Variants in HSPA4 observed in about 807,000 individuals in gnomAD.
The protein encoded by HSPA4 is heat shock 70 kDa protein 4.
A neutral mutation model predicts 106.2 loss-of-function variants in HSPA4; 25 were observed. That is an observed-to-expected ratio of 0.24 (90% CI 0.17 to 0.33). The LOEUF is 0.33. Ranked by LOEUF, HSPA4 falls within the 10% of genes least tolerant of loss-of-function variation. The pLI is 1.00. For missense variants in HSPA4, 841 were observed against 996.0 expected (o/e 0.84, Z 2.10); for synonymous variants, 332 against 333.6 (o/e 1.00, Z 0.05).
intron 16 of HSPA4, among the ~76,000 whole-genome samples, chr5:133,100,173 C>T (rs1295181197): frequency 9.9e-5 from 15 of 151,762 alleles, no homozygotes; most frequent in Non-Finnish European, 1.5e-5. Flanking sequence ...AGGGGATTCT[C>T]ATGCTTCAGC....
intron 17 of HSPA4, among the ~76,000 whole-genome samples, chr5:133,102,147 G>A (rs746863534): frequency 1.3e-5 from 2 of 151,994 alleles, no homozygotes; most frequent in Non-Finnish European, 1.5e-5. Flanking sequence ...GGCTGGTCTC[G>A]AACTCCTGAC....
intron 7 of HSPA4, among the ~76,000 whole-genome samples, chr5:133,081,128 A>C (rs1440508747): frequency 6.6e-6 from 1 of 151,788 alleles, no homozygotes; most frequent in East Asian, 1.9e-4. Context: ...GCTTGCTTCA[A>C]CCTCCACCTC....
In HSPA4 at chr5:133,070,610, ATGTT is replaced by A. The variant is rs1561578562; in HGVS notation, c.429+118_429+121del. ...TCTCAGGTTGTAATGGTTATTTAAA[ATGTT>A]TGTCAGGCCGGGTGCAGTGGCTCAC... On this transcript the variant is annotated intron_variant, in intron 4 of 18. Coordinates refer to ENST00000304858, the MANE Select transcript of HSPA4 (RefSeq NM_002154.4). 4.5e-6 allele frequency: 6 copies of A among 1,318,768 alleles called. No homozygotes were observed. The Admixed American group carries it at 8.0e-5, about 17-fold the overall frequency. 81.7% of individuals were successfully genotyped at this position (1,318,768 alleles called of 1,614,324 possible).
rs1464287126 is a variant in HSPA4, at chr5:133,065,043, G to A, written c.165+6G>A. On this transcript the variant is annotated splice_donor_region_variant and intron_variant, in intron 2 of 18. Transcript: ENST00000304858. ...GAGCAGCAGCTAAAAGCCAGGTAAA[G>A]TTTCATTTTTTTCCTAAAATGACTT... 2.5e-6 allele frequency: 4 copies of A among 1,612,904 alleles called. No homozygotes were observed. Among genetic ancestry groups the A allele is most frequent in the Admixed American group, 1.7e-5 (1 of 59,888 alleles).
intron 1 of HSPA4, among the ~76,000 whole-genome samples, chr5:133,063,428 CT>C (rs1184803339): frequency 6.6e-6 from 1 of 151,592 alleles, no homozygotes; most frequent in Non-Finnish European, 1.5e-5. Flanking sequence ...CAAATTTACT[CT>C]TTTTTTTGTT....
At chr5:133,085,660 GA>G (rs1765570065) in intron 7 of HSPA4, among the ~76,000 whole-genome samples, 2 of 151,550 alleles carry the variant, frequency 1.3e-5, no homozygotes, top group South Asian at 4.2e-4. Context: ...AACTCCGTCT[GA>G]AAAAAAGCCC....
chr5:133,055,307 ATTT>A lies in HSPA4; in HGVS notation c.107+2979_107+2981del, dbSNP rs397999293. On this transcript the variant is annotated intron_variant, in intron 1 of 18. Transcript: ENST00000304858. The stretch of plus-strand genomic sequence containing the variant: ...ATAGAAAATGGTAGCAGGAAGGTTG[ATTT>A]TTTTTTTTTTTTTTTTTTTTTTTTT... Among the ~76,000 whole-genome samples, 404 of 60,032 alleles carry A rather than the reference ATTT, an allele frequency of 6.7e-3. 1 individual carries two copies. The highest frequency in any genetic ancestry group is 0.023 in the African/African-American group (375 of 16,106). The allele number at this position is 60,032 out of a possible 152,430, so 39.4% of individuals were successfully genotyped here.
At chr5:133,102,553 G>A (rs1165817358) in intron 17 of HSPA4, among the ~76,000 whole-genome samples, 2 of 152,154 alleles carry the variant, frequency 1.3e-5, no homozygotes, top group Non-Finnish European at 2.9e-5. Flanking sequence ...ACTTATTGAA[G>A]CCTCACTTTC....
At chr5:133,081,130 C>T (rs67906330) in intron 7 of HSPA4, among the ~76,000 whole-genome samples, 5,839 of 152,190 alleles carry the variant, frequency 0.038, 406 homozygotes, top group East Asian at 0.3. Flanking sequence ...TTGCTTCAAC[C>T]TCCACCTCCC....
intron 15 of HSPA4, among the ~76,000 whole-genome samples, chr5:133,098,950 T>A (rs1001818458): frequency 3.9e-5 from 6 of 152,104 alleles, no homozygotes; most frequent in Non-Finnish European, 8.8e-5. Flanking sequence ...ATTACAGGCG[T>A]GAGCCAGTGT....
At position 133,101,892 on chromosome 5, in the gene HSPA4, T is replaced by C; in HGVS notation, c.2157+14T>C. ...TTCAAAAACAAGGTAACTTTTTTCT[T>C]TGTCCTACTCTTATTTTAGTAAAGT... On this transcript the variant is annotated intron_variant, in intron 17 of 18. Transcript: ENST00000304858. 6.5e-7 allele frequency: 1 copy of C among 1,527,502 alleles called. No homozygotes were observed. Among genetic ancestry groups the C allele is most frequent in the African/African-American group, 1.4e-5 (1 of 71,762 alleles). The allele number at this position is 1,527,502 out of a possible 1,614,324, so 94.6% of individuals were successfully genotyped here.
At chr5:133,094,533 T>TATG (rs2126713956) in intron 13 of HSPA4, among the ~76,000 whole-genome samples, 1 of 152,202 alleles carries the variant, frequency 6.6e-6, no homozygotes, top group African/African-American at 2.4e-5. Context: ...GGAAGACCCT[T>TATG]TATGTTGTTG....
chr5:133,060,960 T>C (rs1765234378), intron 1 of HSPA4, among the ~76,000 whole-genome samples: 2 of 151,652 alleles, frequency 1.3e-5, no homozygotes, highest in Non-Finnish European at 2.9e-5. Context: ...TAAATTTAAA[T>C]AGCCACATGT....
chr5:133,063,129 C>G (rs1675951231), intron 1 of HSPA4, among the ~76,000 whole-genome samples: 1 of 152,020 alleles, frequency 6.6e-6, no homozygotes, highest in Non-Finnish European at 1.5e-5. Context: ...GTCTTGCTTG[C>G]TCTCTTCCCC....
chr5:133,052,503 G>A, intron 1 of HSPA4, 146 bp downstream of exon 1: 1 of 599,842 alleles, frequency 1.7e-6, no homozygotes, highest in East Asian at 3.0e-5. Context: ...ACCCCCAGTA[G>A]GTATTAGGAC....
chr5:133,104,106 C>T, intron 18 of HSPA4, 80 bp downstream of exon 18: 1 of 1,424,988 alleles, frequency 7.0e-7, no homozygotes, highest in East Asian at 2.3e-5. Context: ...TAGGAGGGAA[C>T]TTTATTATAG....
chr5:133,056,691 T>G (rs1765169881), intron 1 of HSPA4, among the ~76,000 whole-genome samples: 1 of 152,234 alleles, frequency 6.6e-6, no homozygotes, highest in African/African-American at 2.4e-5. Flanking sequence ...ATGTTAATGC[T>G]TTTATTTTTA....
intron 13 of HSPA4, among the ~76,000 whole-genome samples, chr5:133,095,113 C>T (rs1765694520): frequency 6.6e-6 from 1 of 152,078 alleles, no homozygotes; most frequent in South Asian, 2.1e-4. Context: ...AGTTCGAGAC[C>T]AGCCTAGCCA....
intron 2 of HSPA4, among the ~76,000 whole-genome samples, chr5:133,066,741 T>C (rs56321656): frequency 1.5e-4 from 16 of 110,092 alleles, no homozygotes; most frequent in South Asian, 3.0e-4. Flanking sequence ...TTTTTCTTTT[T>C]TTTTTTTTTT....
Sources: allele counts gnomAD v4.1 joint callset (sites outside exome capture counted in the v4.1 genomes callset), GRCh38; gene constraint gnomAD v4.1.1; transcripts MANE v1.5; gene names NCBI Gene and HGNC (gene_info 2026-07-23, HGNC 2026-07-21).